Variants in GPC6 observed in about 807,000 individuals in gnomAD.
GPC6 encodes the protein glypican 6.
A neutral mutation model predicts 55.2 loss-of-function variants in GPC6; 14 were observed. The ratio of observed to expected loss-of-function variants is 0.25; its 90% CI spans 0.17 to 0.40. GPC6 has a LOEUF of 0.40. Ranked by LOEUF, GPC6 falls within the 10% of genes least tolerant of loss-of-function variation. The pLI is 1.00. For missense variants in GPC6, 641 were observed against 708.5 expected (o/e 0.90, Z 1.08); for synonymous variants, 278 against 259.6 (o/e 1.07, Z -0.68).
intron 1 of GPC6, among the ~76,000 whole-genome samples, chr13:93,301,596 A>T (rs777436981): frequency 6.6e-6 from 1 of 152,210 alleles, no homozygotes; most frequent in Non-Finnish European, 1.5e-5. Flanking sequence ...TGCTCCTTCT[A>T]TAGTCTTGAA....
At chr13:93,586,688 G>T (rs1464007611) in intron 2 of GPC6, among the ~76,000 whole-genome samples, 1 of 152,098 alleles carries the variant, frequency 6.6e-6, no homozygotes, top group Non-Finnish European at 1.5e-5. Flanking sequence ...TACAATACCT[G>T]TCAGTTTTAT....
intron 4 of GPC6, among the ~76,000 whole-genome samples, chr13:94,127,717 G>C (rs1886868726): frequency 6.6e-6 from 1 of 152,140 alleles, no homozygotes; most frequent in South Asian, 2.1e-4. Context: ...AATTGTAAAA[G>C]CAAGAAGAGT....
chr13:94,001,252 A>T (rs538694057), intron 3 of GPC6, among the ~76,000 whole-genome samples: 3 of 152,302 alleles, frequency 2.0e-5, no homozygotes, highest in African/African-American at 7.2e-5. Context: ...TGAATGTAAA[A>T]TATTTATCAG....
intron 6 of GPC6, among the ~76,000 whole-genome samples, chr13:94,332,156 A>T (rs1178910041): frequency 2.0e-5 from 3 of 152,032 alleles, no homozygotes; most frequent in Non-Finnish European, 4.4e-5. Flanking sequence ...CAAAAATTTA[A>T]TTTTTTCTTT....
chr13:93,791,110 C>T (rs183491346), intron 2 of GPC6, among the ~76,000 whole-genome samples: 23 of 152,252 alleles, frequency 1.5e-4, no homozygotes, highest in African/African-American at 5.3e-4. Context: ...TGGTTCTGTA[C>T]ATAGTGATTC....
At chr13:93,445,279 T>C (rs1004074594) in intron 1 of GPC6, among the ~76,000 whole-genome samples, 2 of 152,130 alleles carry the variant, frequency 1.3e-5, no homozygotes, top group Non-Finnish European at 2.9e-5. Context: ...CTTTACAGAG[T>C]AGTTATCTGA....
At chr13:93,305,141 C>T (rs983284448) in intron 1 of GPC6, among the ~76,000 whole-genome samples, 9 of 152,122 alleles carry the variant, frequency 5.9e-5, no homozygotes, top group Non-Finnish European at 1.3e-4. Context: ...CACCTGGGGT[C>T]GTTTAAAACA....
chr13:94,041,191 A>G (rs1225955806), intron 4 of GPC6, among the ~76,000 whole-genome samples: 1 of 151,852 alleles, frequency 6.6e-6, no homozygotes, highest in Non-Finnish European at 1.5e-5. Context: ...TGGAAGCAAA[A>G]TGATAAAGTA....
intron 1 of GPC6, among the ~76,000 whole-genome samples, chr13:93,500,350 G>A (rs563471995): frequency 8.5e-5 from 13 of 152,106 alleles, no homozygotes; most frequent in Admixed American, 8.5e-4. Context: ...ATGATGTCAA[G>A]GTTGTGGCTA....
intron 1 of GPC6, among the ~76,000 whole-genome samples, chr13:93,423,291 T>C (rs1876995790): frequency 6.6e-6 from 1 of 152,162 alleles, no homozygotes; most frequent in Admixed American, 6.6e-5. Flanking sequence ...TGTTAATCAA[T>C]TGTAGAACAT....
chr13:93,709,210 T>G (rs1337224399), intron 2 of GPC6, among the ~76,000 whole-genome samples: 1 of 151,822 alleles, frequency 6.6e-6, no homozygotes, highest in Non-Finnish European at 1.5e-5. Flanking sequence ...CCTGCCTTTC[T>G]TCCAACCTAA....
At chr13:93,768,708 C>A (rs1047346301) in intron 2 of GPC6, among the ~76,000 whole-genome samples, 17 of 152,140 alleles carry the variant, frequency 1.1e-4, no homozygotes, top group African/African-American at 3.6e-4. Flanking sequence ...TACAGGAATT[C>A]ATACAGGAAT....
At position 93,312,675 on chromosome 13, in the gene GPC6, G is replaced by A. The variant is rs551753055; in HGVS notation, c.160+85059G>A. Reference sequence around the variant, plus strand: ...CTATAGTGAACCATTTATTGAAGGGGTGTTCATTGCGAATAGCATGGCCAA... The same window carrying A: ...CTATAGTGAACCATTTATTGAAGGGATGTTCATTGCGAATAGCATGGCCAA... On this transcript the variant is annotated intron_variant, in intron 1 of 8. Coordinates refer to ENST00000377047, the MANE Select transcript of GPC6 (RefSeq NM_005708.5). Among the ~76,000 whole-genome samples the A allele has an allele frequency of 9.2e-5, 14 of 152,242 alleles. 1 individual carries two copies. Among genetic ancestry groups the A allele is most frequent in the Middle Eastern group, 3.4e-3 (1 of 294 alleles).
chr13:93,355,439 G>T (rs1880811694), intron 1 of GPC6, among the ~76,000 whole-genome samples: 3 of 152,150 alleles, frequency 2.0e-5, no homozygotes. Context: ...GGCAGCATTT[G>T]GGTTGGCCTT....
At chr13:93,326,742 C>G (rs967784866) in intron 1 of GPC6, among the ~76,000 whole-genome samples, 1 of 152,102 alleles carries the variant, frequency 6.6e-6, no homozygotes, top group South Asian at 2.1e-4. Flanking sequence ...ACTTTATTTT[C>G]AAGTGTTGCC....
intron 2 of GPC6, among the ~76,000 whole-genome samples, chr13:93,574,438 C>T (rs1271700778): frequency 6.6e-6 from 1 of 152,074 alleles, no homozygotes; most frequent in African/African-American, 2.4e-5. Context: ...AAGGATTATT[C>T]TTTACATATT....
chr13:93,616,207 A>G (rs1162558141), intron 2 of GPC6, among the ~76,000 whole-genome samples: 1 of 152,148 alleles, frequency 6.6e-6, no homozygotes, highest in Non-Finnish European at 1.5e-5. Flanking sequence ...GAACAAATAC[A>G]GCTAACTAGC....
At chr13:93,283,407 G>C (rs1594072190) in intron 1 of GPC6, among the ~76,000 whole-genome samples, 1 of 152,284 alleles carries the variant, frequency 6.6e-6, no homozygotes, top group Admixed American at 6.5e-5. Flanking sequence ...GAGTTCATCT[G>C]GGCTTGAGCT....
intron 2 of GPC6, among the ~76,000 whole-genome samples, chr13:93,565,750 C>T (rs1382313890): frequency 6.6e-6 from 1 of 151,862 alleles, no homozygotes; most frequent in Admixed American, 6.6e-5. Context: ...AGTGAAACCC[C>T]ATCTCTACTA....
Sources: gnomAD v4.1 joint callset for allele counts (sites outside exome capture counted in the v4.1 genomes callset) on GRCh38, gnomAD v4.1.1 for gene constraint, MANE v1.5 for transcripts, NCBI Gene and HGNC (gene_info 2026-07-23, HGNC 2026-07-21) for gene names.